NCOA7: variants seen among roughly 807,000 people sequenced by gnomAD.
The protein encoded by NCOA7 is 140 kDa estrogen receptor-associated protein.
A neutral mutation model predicts 104.3 loss-of-function variants in NCOA7; 45 were observed. That is an observed-to-expected ratio of 0.43 (90% CI 0.34 to 0.55). NCOA7 has a LOEUF of 0.55. Ranked by LOEUF, NCOA7 falls within the 20% of genes least tolerant of loss-of-function variation. The probability of loss-of-function intolerance (pLI) is 0.02; values close to 1 mark genes in which losing one functional copy is unlikely to be tolerated. For synonymous variants in NCOA7, 398 were observed against 402.3 expected, an observed-to-expected ratio of 0.99 and a Z score of 0.13; for missense variants, 1,041 against 1,119.7, an observed-to-expected ratio of 0.93 and a Z score of 1.00.
intron 5 of NCOA7, 124 bp from the exon 6 acceptor site, chr6:125,880,966 G>C (rs758534781): frequency 4.4e-6 from 3 of 683,012 alleles, no homozygotes; most frequent in East Asian, 5.2e-5. Flanking sequence ...TGAGTTTCTT[G>C]AAAGCAACCT....
intron 3 of NCOA7, among the ~76,000 whole-genome samples, chr6:125,856,997 ATCG>A (rs1781617081): frequency 6.6e-6 from 1 of 152,198 alleles, no homozygotes; most frequent in Non-Finnish European, 1.5e-5. Flanking sequence ...CAGATGATCT[ATCG>A]GCAGCCGAAA....
At chr6:125,785,909 G>A (rs1320274802) in intron 1 of NCOA7, among the ~76,000 whole-genome samples, 3 of 152,234 alleles carry the variant, frequency 2.0e-5, no homozygotes, top group Admixed American at 6.5e-5. Context: ...AGTACACTCT[G>A]GTAGACGCCA....
chr6:125,925,703 TGA>T (rs1237443624), intron 13 of NCOA7, among the ~76,000 whole-genome samples: 1 of 152,198 alleles, frequency 6.6e-6, no homozygotes, highest in African/African-American at 2.4e-5. Flanking sequence ...CTAAGGAAGT[TGA>T]GAGAAGAAGA....
rs767033570 is a variant in NCOA7 at position 125,889,381 on chromosome 6, G to A, written c.1327G>A (p.Asp443Asn). 32 of 1,613,660 alleles carry A rather than the reference G, an allele frequency of 2.0e-5. No homozygotes were observed. Among genetic ancestry groups the A allele is most frequent in the Non-Finnish European group, 2.6e-5 (31 of 1,179,902 alleles). The change falls in exon 9 of 16, where the codon GAC (aspartate) becomes AAC (asparagine). Residue 443 changes from aspartate (D) to asparagine (N), a missense_variant. By Grantham distance (23) the Asp-to-Asn change is conservative. Coordinates refer to ENST00000392477, the MANE Select transcript of NCOA7 (RefSeq NM_181782.5). ...KDTLKECLSL[D>N]PEERKKAESQ... ...CACCTTGAAGGAGTGCCTTTCTCTT[G>A]ACCCAGAGGAACGAAAGAAAGCTGA...
intron 10 of NCOA7, among the ~76,000 whole-genome samples, chr6:125,904,647 C>T (rs192561901): frequency 1.3e-4 from 20 of 152,270 alleles, no homozygotes; most frequent in African/African-American, 3.9e-4. Context: ...CTGGGCTTAC[C>T]TTTGCCATGA....
intron 10 of NCOA7, among the ~76,000 whole-genome samples, chr6:125,911,462 C>G (rs957712206): frequency 6.6e-6 from 1 of 152,220 alleles, no homozygotes; most frequent in Non-Finnish European, 1.5e-5. Flanking sequence ...GCAGGCTGTG[C>G]AGCCCTTTAT....
At chr6:125,784,810 T>G (rs1281224631) in intron 1 of NCOA7, among the ~76,000 whole-genome samples, 1 of 152,228 alleles carries the variant, frequency 6.6e-6, no homozygotes, top group Non-Finnish European at 1.5e-5. Context: ...ACTATATGAT[T>G]CAATTTATAT....
At chr6:125,902,303 C>T (rs529071741) in intron 10 of NCOA7, among the ~76,000 whole-genome samples, 3 of 152,254 alleles carry the variant, frequency 2.0e-5, no homozygotes, top group South Asian at 2.1e-4. Context: ...AACTTCCTTG[C>T]GTATTTAATA....
At chr6:125,815,532 A>G in intron 2 of NCOA7, 128 bp downstream of exon 2, 1 of 685,856 alleles carries the variant, frequency 1.5e-6, no homozygotes. Flanking sequence ...AACCAGGAGA[A>G]GTAAACTATA....
chr6:125,865,765 GTGA>G (rs1782395883), intron 3 of NCOA7, among the ~76,000 whole-genome samples: 1 of 137,580 alleles, frequency 7.3e-6, no homozygotes, highest in South Asian at 2.2e-4. Flanking sequence ...CTGGGCTCAA[GTGA>G]TGCTCCCACC....
intron 4 of NCOA7, 141 bp from the exon 5 acceptor site, chr6:125,878,122 A>G (rs1783526832): frequency 6.8e-6 from 3 of 442,874 alleles, no homozygotes; most frequent in Admixed American, 8.7e-5. Flanking sequence ...AGAATTGACA[A>G]TGTATTCATT....
At chr6:125,867,609 A>G (rs991833173) in intron 3 of NCOA7, among the ~76,000 whole-genome samples, 1 of 152,086 alleles carries the variant, frequency 6.6e-6, no homozygotes, top group Non-Finnish European at 1.5e-5. Context: ...TGGAGTTTCC[A>G]TTATGTTTGT....
chr6:125,824,904 A>G (rs1024936054), intron 2 of NCOA7, among the ~76,000 whole-genome samples: 2 of 152,056 alleles, frequency 1.3e-5, no homozygotes, highest in Non-Finnish European at 2.9e-5. Context: ...GACTATAGGC[A>G]CCTGCCACCA....
At chr6:125,853,170 TC>T (rs1781270340) in intron 2 of NCOA7, among the ~76,000 whole-genome samples, 1 of 152,158 alleles carries the variant, frequency 6.6e-6, no homozygotes. Flanking sequence ...CTTTCTTTTT[TC>T]TCTGCCTGTC....
chr6:125,815,983 C>T (rs1410733986), intron 2 of NCOA7, among the ~76,000 whole-genome samples: 1 of 152,176 alleles, frequency 6.6e-6, no homozygotes, highest in Non-Finnish European at 1.5e-5. Flanking sequence ...ATGTGGCACT[C>T]ACTAAACATA....
intron 1 of NCOA7, chr6:125,802,547 T>C (rs1244342737): frequency 6.6e-6 from 1 of 152,184 alleles, no homozygotes; most frequent in Non-Finnish European, 1.5e-5. Context: ...TGACTGTTAA[T>C]CCTCACAGTC....
rs77988660 is a variant in NCOA7 at position 125,815,967 on chromosome 6, A to C, written c.50+563A>C. 1.4e-3 allele frequency among the ~76,000 whole-genome samples: 212 copies of C among 152,350 alleles called. No individual in the cohort carries two copies. In the East Asian group the frequency reaches 0.028, roughly 20 times the overall value. On this transcript the variant is annotated intron_variant, in intron 2 of 15. Transcript: ENST00000392477. Reference sequence around the variant, plus strand: ...GATTGGTTACCATTTACAGATTTAAATGTCTATGTGGCACTCACTAAACAT... The same window carrying C: ...GATTGGTTACCATTTACAGATTTAACTGTCTATGTGGCACTCACTAAACAT...
At chr6:125,928,297 C>T in intron 15 of NCOA7, 50 bp downstream of exon 15, 1 of 1,509,358 alleles carries the variant, frequency 6.6e-7, no homozygotes, top group South Asian at 1.2e-5. Context: ...ACCACCTGAC[C>T]TGAGTGGGTC....
At position 125,855,155 on chromosome 6, in the gene NCOA7, A is replaced by T. The variant is rs142658591; in HGVS notation, c.186A>T (p.Glu62Asp). 454 of 1,613,456 alleles carry T rather than the reference A, an allele frequency of 2.8e-4. No individual in the cohort carries two copies. In the African/African-American group the frequency reaches 5.5e-3, roughly 19 times the overall value. ...AGTGCAACATTGCTGTGGAAGAGGAATATATGACTGATGAGAAAAAAAAGA... is the reference window on the plus strand; with the variant it reads ...AGTGCAACATTGCTGTGGAAGAGGATTATATGACTGATGAGAAAAAAAAGA... ...PDKCNIAVEE[E>D]YMTDEKKKRK... Residue 62 changes from glutamate to aspartate, a missense_variant, in exon 3 of 16, where the codon GAA becomes GAT. Glu to Asp is a conservative substitution (Grantham distance 45). Transcript: ENST00000392477.
Sources: gnomAD v4.1 joint callset for allele counts (sites outside exome capture counted in the v4.1 genomes callset) on GRCh38, gnomAD v4.1.1 for gene constraint, MANE v1.5 for transcripts, NCBI Gene and HGNC (gene_info 2026-07-23, HGNC 2026-07-21) for gene names.